ADGRD1: variants seen among roughly 807,000 people sequenced by gnomAD.
ADGRD1 encodes the protein G-protein coupled receptor 133.
In ADGRD1, 77 loss-of-function variants were observed where a neutral mutation model predicts 113.4. The observed-to-expected ratio is 0.68, with a 90% CI of 0.57 to 0.82. The LOEUF (loss-of-function observed/expected upper bound fraction) is 0.82, where lower values mean the gene tolerates loss of function less well. Ranked by LOEUF, ADGRD1 falls within the 40% of genes least tolerant of loss-of-function variation. The probability of loss-of-function intolerance (pLI) is 0.00; values close to 1 mark genes in which losing one functional copy is unlikely to be tolerated. For missense variants in ADGRD1, 1,036 were observed against 1,139.1 expected (o/e 0.91, Z 1.30); for synonymous variants, 474 against 475.0 (o/e 1.00, Z 0.03).
chr12:130,969,103 C>G, intron 3 of ADGRD1: 1 of 1,266,430 alleles, frequency 7.9e-7, no homozygotes, highest in Non-Finnish European at 1.1e-6. Context: ...GTTCTTCGTT[C>G]TGTCAAGTTT....
chr12:131,115,270 A>G (rs2049566), intron 18 of ADGRD1, among the ~76,000 whole-genome samples: 35,935 of 152,182 alleles, frequency 0.24, 5,662 homozygotes, highest in East Asian at 0.72. Flanking sequence ...ATGTGAGGGA[A>G]GGGGTCAGAG....
intron 13 of ADGRD1, chr12:131,070,443 C>T (rs12322171): frequency 0.12 from 19,979 of 164,818 alleles, 1,506 homozygotes; most frequent in African/African-American, 0.22. Flanking sequence ...GGGAGGGTCT[C>T]GTGACCGCAG....
rs144462523 is a variant in ADGRD1, at chr12:131,014,319, G to A, written c.1452G>A (p.Thr484=). 115 of 1,613,806 alleles carry A rather than the reference G, an allele frequency of 7.1e-5. No homozygotes were observed. Among genetic ancestry groups the A allele is most frequent in the Middle Eastern group, 1.6e-4 (1 of 6,062 alleles). ...SQNLSGSPLI[T]VHLKHRLTRK... ...ACCTGTCGGGCTCTCCACTCATTACGGTCCACCTCAAGCACAGATTGGTGA... is the reference window on the plus strand; with the variant it reads ...ACCTGTCGGGCTCTCCACTCATTACAGTCCACCTCAAGCACAGATTGGTGA... Residue 484 remains threonine, a synonymous_variant, in exon 13 of 25, where the codon ACG becomes ACA. Transcript: ENST00000261654.
At position 131,003,365 on chromosome 12, in the gene ADGRD1, TG is replaced by T; in HGVS notation, c.1144+64del. On this transcript the variant is annotated intron_variant, in intron 10 of 24. Coordinates refer to ENST00000261654, the MANE Select transcript of ADGRD1 (RefSeq NM_198827.5). The surrounding 1 kb of genome is among the most constrained non-coding windows in gnomAD (Gnocchi z 4.8). ...GCGGGGGCTGGAGGCTGCGTTTCAC[TG>T]CCTGTCTTTTTACACCCTTAGCAGA... The T allele has an allele frequency of 8.9e-7, 1 of 1,117,910 alleles. No homozygotes were observed. The highest frequency in any genetic ancestry group is 1.4e-6 in the Non-Finnish European group (1 of 736,238). 69.2% of individuals were successfully genotyped at this position (1,117,910 alleles called of 1,614,324 possible). A position where few individuals can be genotyped will look rare whatever the true frequency, so the allele number is the denominator to read the frequency against.
At chr12:130,960,957 G>C (rs1214034217) in intron 2 of ADGRD1, among the ~76,000 whole-genome samples, 2 of 152,202 alleles carry the variant, frequency 1.3e-5, no homozygotes, top group African/African-American at 4.8e-5. Context: ...CAGGCAGTGG[G>C]AACAGCAGGC....
At position 131,041,731 on chromosome 12, in the gene ADGRD1, T is replaced by G. The variant is rs1179571258; in HGVS notation, c.1473+27391T>G. Among the ~76,000 whole-genome samples the G allele has an allele frequency of 6.6e-6, 1 of 152,186 alleles. No individual in the cohort carries two copies. Among genetic ancestry groups the G allele is most frequent in the Non-Finnish European group, 1.5e-5 (1 of 68,030 alleles). ...AGGGAGCAGTTCCCGGGGAACACAC[T>G]GCACGCTGTTGCCGCAGCCTCCCCC... On this transcript the variant is annotated intron_variant, in intron 13 of 24. Coordinates refer to ENST00000261654, the MANE Select transcript of ADGRD1 (RefSeq NM_198827.5). The surrounding 1 kb of genome is among the most constrained non-coding windows in gnomAD (Gnocchi z 4.4).
Position 130,959,200 on chromosome 12 carries a change from G to T in ADGRD1, c.103+4540G>T, listed in dbSNP as rs1487870689. 2.0e-5 allele frequency among the ~76,000 whole-genome samples: 3 copies of T among 152,212 alleles called. No individual in the cohort carries two copies. In the East Asian group the frequency reaches 5.8e-4, roughly 29 times the overall value. On this transcript the variant is annotated intron_variant, in intron 2 of 24. Coordinates refer to ENST00000261654, the MANE Select transcript of ADGRD1 (RefSeq NM_198827.5). ...ACCAAACTGTAGTATTTTGTTAAAG[G>T]TTCTCAGAACTATTAAGCATTTCTT...
In ADGRD1 at chr12:130,997,092, A is replaced by C. The variant is rs1476095380; in HGVS notation, c.967-3291A>C. Among the ~76,000 whole-genome samples, 13 of 111,936 alleles carry C rather than the reference A, an allele frequency of 1.2e-4. 1 individual carries two copies. Among genetic ancestry groups the C allele is most frequent in the Non-Finnish European group, 3.7e-5 (2 of 54,262 alleles). The allele number at this position is 111,936 out of a possible 152,430, so 73.4% of individuals were successfully genotyped here. A position where few individuals can be genotyped will look rare whatever the true frequency, so the allele number is the denominator to read the frequency against. ...CTTCCCAGTAGGGGCGGCCGGGCAG[A>C]GGCACCCCTCACCTCCTGGACGGGG... On this transcript the variant is annotated intron_variant, in intron 8 of 24. Coordinates refer to ENST00000261654, the MANE Select transcript of ADGRD1 (RefSeq NM_198827.5).
At chr12:131,139,125 C>CT (rs1951183287) in intron 24 of ADGRD1, 43 bp from the exon 25 acceptor site, 1 of 1,500,762 alleles carries the variant, frequency 6.7e-7, no homozygotes, top group Admixed American at 1.7e-5. Context: ...GGCTCTCCCC[C>CT]TGGGAGCAGG....
At chr12:130,974,119 C>G (rs116418630) in intron 4 of ADGRD1, among the ~76,000 whole-genome samples, 2 of 152,152 alleles carry the variant, frequency 1.3e-5, no homozygotes, top group Non-Finnish European at 2.9e-5. Flanking sequence ...CCATGGCATG[C>G]CTTTCCCGCT....
intron 8 of ADGRD1, chr12:130,994,363 A>G: frequency 2.9e-6 from 1 of 340,932 alleles, no homozygotes; most frequent in Non-Finnish European, 6.2e-6. Flanking sequence ...GTTAGCACTT[A>G]GTAAACACTC....
At chr12:131,079,768 T>G (rs1885925666) in intron 14 of ADGRD1, among the ~76,000 whole-genome samples, 1 of 152,230 alleles carries the variant, frequency 6.6e-6, no homozygotes, top group African/African-American at 2.4e-5. Flanking sequence ...GCACAGAGTT[T>G]TTTGTGGTAT....
At chr12:131,038,319 A>G (rs1881756751) in intron 13 of ADGRD1, among the ~76,000 whole-genome samples, 2 of 152,222 alleles carry the variant, frequency 1.3e-5, no homozygotes, top group South Asian at 2.1e-4. Context: ...CAGGTGGCAG[A>G]TGGCGCAGGG....
Position 131,062,098 on chromosome 12 carries a change from C to T in ADGRD1, c.1474-14703C>T, listed in dbSNP as rs150960068. 6.7e-3 allele frequency among the ~76,000 whole-genome samples: 1,016 copies of T among 152,280 alleles called. 8 individuals carry two copies. The highest frequency in any genetic ancestry group is 0.023 in the African/African-American group (968 of 41,534). The stretch of plus-strand genomic sequence containing the variant: ...CTGGAGTGAGGTGGTGCAATTTCAG[C>T]TCACTGCAACCTCCGCCTCCCAGAT... On this transcript the variant is annotated intron_variant, in intron 13 of 24. Coordinates refer to ENST00000261654, the MANE Select transcript of ADGRD1 (RefSeq NM_198827.5).
rs140194684 is a variant in ADGRD1 at position 131,003,329 on chromosome 12, A to G, written c.1144+27A>G. On this transcript the variant is annotated intron_variant, in intron 10 of 24. Coordinates refer to ENST00000261654, the MANE Select transcript of ADGRD1 (RefSeq NM_198827.5). This position sits in a 1 kb window ranked among gnomAD's most constrained non-coding sequence, Gnocchi z 4.8. The stretch of plus-strand genomic sequence containing the variant: ...TAGCTGTCGCTTGTAAGGGTGAGCC[A>G]CATGGCAGGGGCGGGGGCTGGAGGC... 6.3e-3 allele frequency: 9,367 copies of G among 1,497,996 alleles called. 63 individuals are homozygous for G. Among genetic ancestry groups the G allele is most frequent in the Middle Eastern group, 0.038 (224 of 5,836 alleles). The allele number at this position is 1,497,996 out of a possible 1,614,324, so 92.8% of individuals were successfully genotyped here. A position where few individuals can be genotyped will look rare whatever the true frequency, so the allele number is the denominator to read the frequency against.
intron 12 of ADGRD1, among the ~76,000 whole-genome samples, chr12:131,012,507 G>A (rs973227693): frequency 4.6e-5 from 7 of 152,154 alleles, no homozygotes; most frequent in Admixed American, 2.6e-4. Context: ...TCTCTATGGC[G>A]CCATCTTTGT....
intron 13 of ADGRD1, among the ~76,000 whole-genome samples, chr12:131,034,503 C>T (rs1881164448): frequency 1.3e-5 from 2 of 152,182 alleles, no homozygotes; most frequent in African/African-American, 4.8e-5. Context: ...TTGTCTCCTT[C>T]ACTAGAAAGT....
At position 130,969,421 on chromosome 12, in the gene ADGRD1, G is replaced by A. The variant is rs142010859; in HGVS notation, c.188-2037G>A. 2,016 of 211,858 alleles carry A rather than the reference G, an allele frequency of 9.5e-3. 16 individuals are homozygous for A. Among genetic ancestry groups the A allele is most frequent in the Non-Finnish European group, 0.012 (1,250 of 106,098 alleles). 13.1% of individuals were successfully genotyped at this position (211,858 alleles called of 1,614,324 possible). A position where few individuals can be genotyped will look rare whatever the true frequency, so the allele number is the denominator to read the frequency against. On this transcript the variant is annotated intron_variant, in intron 3 of 24. Coordinates refer to ENST00000261654, the MANE Select transcript of ADGRD1 (RefSeq NM_198827.5). Reference sequence around the variant, plus strand: ...CTCCCTATCGCTCACATTACCGCCCGAGCTCCACCTCCTGTCAGATCAGCA... The same window carrying A: ...CTCCCTATCGCTCACATTACCGCCCAAGCTCCACCTCCTGTCAGATCAGCA...
chr12:131,072,604 A>G (rs927173744), intron 13 of ADGRD1, among the ~76,000 whole-genome samples: 2 of 152,196 alleles, frequency 1.3e-5, no homozygotes, highest in African/African-American at 4.8e-5. Flanking sequence ...TGTCAGCACC[A>G]TGTGTGTGGG....
Sources: gnomAD v4.1 joint callset for allele counts (sites outside exome capture counted in the v4.1 genomes callset) on GRCh38, gnomAD v4.1.1 for gene constraint, Gnocchi (gnomAD v3.1) non-coding constraint, MANE v1.5 for transcripts, NCBI Gene and HGNC (gene_info 2026-07-23, HGNC 2026-07-21) for gene names.